The following ADAMTSL1 variants were observed in gnomAD, a reference collection of about 807,000 sequenced individuals.
ADAMTSL1 encodes the protein ADAMTS-like protein 1.
In ADAMTSL1, 126 loss-of-function variants were observed where a neutral mutation model predicts 201.8. The ratio of observed to expected loss-of-function variants is 0.62; its 90% confidence interval spans 0.54 to 0.72. The LOEUF is 0.72. ADAMTSL1 is among the 30% of genes least tolerant of loss of function. The pLI is 0.00. For synonymous variants in ADAMTSL1, 1,121 were observed against 903.4 expected, an observed-to-expected ratio of 1.24 and a Z score of -4.32; for missense variants, 2,679 against 2,277.8, an observed-to-expected ratio of 1.18 and a Z score of -3.59.
chr9:18,514,210 T>C (rs1376037545), intron 2 of ADAMTSL1, among the ~76,000 whole-genome samples: 1 of 152,186 alleles, frequency 6.6e-6, no homozygotes, highest in Non-Finnish European at 1.5e-5. Flanking sequence ...CTTCACTTCC[T>C]TAGTTTATTC....
At position 17,995,979 on chromosome 9, in the gene ADAMTSL1, C is replaced by G. The variant is rs1314648107; in HGVS notation, c.87+89057C>G. Among the ~76,000 whole-genome samples, 4 of 151,934 alleles carry G rather than the reference C, an allele frequency of 2.6e-5. No individual in the cohort carries two copies. The East Asian group carries it at 7.7e-4, about 29-fold the overall frequency. ...CTGTTGTGATGAGGACTAACGTAAT[C>G]TAAGCTCCTTAGAATCGTGTCTAGC... On this transcript the variant is annotated intron_variant, in intron 1 of 29. Transcript: ENST00000680146.
intron 2 of ADAMTSL1, among the ~76,000 whole-genome samples, chr9:18,276,504 A>G (rs891876787): frequency 6.6e-6 from 1 of 152,182 alleles, no homozygotes; most frequent in African/African-American, 2.4e-5. Flanking sequence ...TTTCAAATTA[A>G]CATGTGTGTT....
rs1268966155 is a variant in ADAMTSL1 at position 18,728,696 on chromosome 9, T to C, written c.2006+7031T>C. On this transcript the variant is annotated intron_variant, in intron 15 of 28. Transcript: ENST00000380548. ...CCTATGCTGAATGGTAAGGCCTAAG[T>C]AGGAGTTATCCAAATGAAGAAGGAA... 2.0e-5 allele frequency among the ~76,000 whole-genome samples: 3 copies of C among 152,160 alleles called. No homozygotes were observed. The East Asian group carries it at 5.8e-4, about 29-fold the overall frequency.
intron 4 of ADAMTSL1, among the ~76,000 whole-genome samples, chr9:18,609,509 G>C (rs944467874): frequency 2.0e-5 from 3 of 152,054 alleles, no homozygotes; most frequent in Non-Finnish European, 4.4e-5. Flanking sequence ...AATGGAATTT[G>C]AGTTGTGATC....
chr9:18,265,896 A>G (rs545494342), intron 2 of ADAMTSL1, among the ~76,000 whole-genome samples: 1 of 152,214 alleles, frequency 6.6e-6, no homozygotes, highest in Non-Finnish European at 1.5e-5. Context: ...AATATCACCT[A>G]GAATGAAAAC....
At position 18,616,612 on chromosome 9, in the gene ADAMTSL1, T is replaced by C. The variant is rs529288375; in HGVS notation, c.475-5631T>C. On this transcript the variant is annotated intron_variant, in intron 4 of 28. Transcript: ENST00000380548. ...TTTCTAAAAGATCCAGTAGATTCTC[T>C]GACTCTTACAACTGCTTATGTGTTC... 4.1e-4 allele frequency among the ~76,000 whole-genome samples: 62 copies of C among 152,326 alleles called. No individual in the cohort carries two copies. The South Asian group carries it at 8.9e-3, about 22-fold the overall frequency.
chr9:18,413,136 T>G lies in ADAMTSL1; in HGVS notation c.208-91693T>G, dbSNP rs1393476979. On this transcript the variant is annotated intron_variant, in intron 2 of 29. Transcript: ENST00000680146. Reference sequence around the variant, plus strand: ...TGCTTGTTTATTTACCTGTAAGTTCTCTAAGGATAATTTTTTTTTTTTTTT... The same window carrying G: ...TGCTTGTTTATTTACCTGTAAGTTCGCTAAGGATAATTTTTTTTTTTTTTT... 3.8e-5 allele frequency among the ~76,000 whole-genome samples: 5 copies of G among 132,340 alleles called. 1 individual carries two copies. Among genetic ancestry groups the G allele is most frequent in the Non-Finnish European group, 1.6e-5 (1 of 63,820 alleles). The allele number at this position is 132,340 out of a possible 152,430, so 86.8% of individuals were successfully genotyped here. A position where few individuals can be genotyped will look rare whatever the true frequency, so the allele number is the denominator to read the frequency against.
At chr9:18,656,203 A>G (rs79299310) in intron 7 of ADAMTSL1, among the ~76,000 whole-genome samples, 3,054 of 151,804 alleles carry the variant, frequency 0.02, 112 homozygotes, top group African/African-American at 0.07. Flanking sequence ...TGTTTCTTCA[A>G]TATTCTTATT....
rs138419004 is a variant in ADAMTSL1, at chr9:18,378,816, GTTGT to G, written c.208-125994_208-125991del. The stretch of plus-strand genomic sequence containing the variant: ...CCATATCAATAAGTAGTTTTTTGTT[GTTGT>G]TTGTTTGTTTGTTTGTTTTTCATTA... On this transcript the variant is annotated intron_variant, in intron 2 of 29. Coordinates refer to the ADAMTSL1 transcript ENST00000680146. Among the ~76,000 whole-genome samples the G allele has an allele frequency of 6.6e-3, 1,000 of 151,912 alleles. 6 individuals carry two copies. Among genetic ancestry groups the G allele is most frequent in the African/African-American group, 0.023 (933 of 41,312 alleles).
chr9:18,474,162 T>C lies in ADAMTSL1; in HGVS notation c.-71T>C. The C allele has an allele frequency of 1.4e-6, 2 of 1,421,152 alleles. No homozygotes were observed. The highest frequency in any genetic ancestry group is 9.9e-7 in the Non-Finnish European group (1 of 1,007,862). The allele number at this position is 1,421,152 out of a possible 1,614,324, so 88.0% of individuals were successfully genotyped here. A position where few individuals can be genotyped will look rare whatever the true frequency, so the allele number is the denominator to read the frequency against. ...CTGGAGTGTTAGCACCAGTACTGGA[T>C]GTGACAGCAGGCAGAGGAGCACTTA... is the stretch of plus-strand genomic sequence containing the variant. On this transcript the variant is annotated 5_prime_UTR_variant, in exon 1 of 29. The change abolishes an upstream ATG in the 5' untranslated region. Transcript: ENST00000380548.
chr9:18,865,876 T>G (rs1189378274), intron 23 of ADAMTSL1, among the ~76,000 whole-genome samples: 1 of 152,112 alleles, frequency 6.6e-6, no homozygotes. Context: ...GCACTGTCAC[T>G]GCCTGCTGAT....
chr9:18,503,949 T>G (rs1822984652), intron 1 of ADAMTSL1, among the ~76,000 whole-genome samples: 1 of 151,600 alleles, frequency 6.6e-6, no homozygotes, highest in East Asian at 1.9e-4. Context: ...TAAGTTCATT[T>G]TGCTGATCTT....
At chr9:18,850,781 T>A (rs1331640299) in intron 23 of ADAMTSL1, among the ~76,000 whole-genome samples, 1 of 152,246 alleles carries the variant, frequency 6.6e-6, no homozygotes, top group Non-Finnish European at 1.5e-5. Context: ...TATGCTGTTT[T>A]TACTTCCTCT....
chr9:18,033,464 C>G (rs1291594455), intron 1 of ADAMTSL1, among the ~76,000 whole-genome samples: 1 of 152,174 alleles, frequency 6.6e-6, no homozygotes, highest in African/African-American at 2.4e-5. Flanking sequence ...CCACTTCTTT[C>G]CATTGAGTGA....
At chr9:18,635,642 TC>T (rs1219910312) in intron 5 of ADAMTSL1, among the ~76,000 whole-genome samples, 1 of 152,192 alleles carries the variant, frequency 6.6e-6, no homozygotes, top group African/African-American at 2.4e-5. Flanking sequence ...GTGTTTTTGA[TC>T]ATATAAGACC....
intron 3 of ADAMTSL1, among the ~76,000 whole-genome samples, chr9:18,563,419 T>C (rs958320334): frequency 1.3e-5 from 2 of 152,200 alleles, no homozygotes; most frequent in Non-Finnish European, 1.5e-5. Flanking sequence ...AGATGCCAGC[T>C]GGAGCTCTCC....
intron 1 of ADAMTSL1, among the ~76,000 whole-genome samples, chr9:18,040,755 T>C (rs935966786): frequency 7.9e-5 from 12 of 151,966 alleles, no homozygotes; most frequent in Non-Finnish European, 1.6e-4. Flanking sequence ...TTCTGGAAGC[T>C]AAGTGAAATG....
intron 1 of ADAMTSL1, among the ~76,000 whole-genome samples, chr9:17,957,889 A>T (rs1233224047): frequency 6.6e-6 from 1 of 152,128 alleles, no homozygotes; most frequent in Non-Finnish European, 1.5e-5. Flanking sequence ...CCTTTTCTAG[A>T]TCCTTCAGAG....
chr9:18,524,803 G>A (rs1818928849), intron 2 of ADAMTSL1, among the ~76,000 whole-genome samples: 1 of 152,156 alleles, frequency 6.6e-6, no homozygotes, highest in Non-Finnish European at 1.5e-5. Context: ...ACTTGATCAT[G>A]GTGGACAAGC....
Sources: allele counts gnomAD v4.1 joint callset (sites outside exome capture counted in the v4.1 genomes callset), GRCh38; gene constraint gnomAD v4.1.1; transcripts MANE v1.5; gene names NCBI Gene and HGNC (gene_info 2026-07-23, HGNC 2026-07-21).